Variants in CPAMD8 observed in about 807,000 individuals in gnomAD.
The protein encoded by CPAMD8 is C3 and PZP like alpha-2-macroglobulin domain containing 8, also known as C3 and PZP-like alpha-2-macroglobulin domain-containing protein 8.
A neutral mutation model predicts 224.7 loss-of-function variants in CPAMD8; 146 were observed. The ratio of observed to expected loss-of-function variants is 0.65; its 90% CI spans 0.57 to 0.75. CPAMD8 has a LOEUF of 0.75. Ranked by LOEUF, CPAMD8 falls within the 30% of genes least tolerant of loss-of-function variation. The pLI, the probability that CPAMD8 is intolerant of heterozygous loss-of-function variation, is 0.00. For synonymous variants in CPAMD8, 966 were observed against 1,044.6 expected, an observed-to-expected ratio of 0.92 and a Z score of 1.45; for missense variants, 2,301 against 2,537.5, an observed-to-expected ratio of 0.91 and a Z score of 2.00.
chr19:16,980,878 C>G (rs2055489364), intron 13 of CPAMD8, among the ~76,000 whole-genome samples, 192 bp from the exon 14 acceptor site: 1 of 152,056 alleles, frequency 6.6e-6, no homozygotes, highest in African/African-American at 2.4e-5. Flanking sequence ...TCTTGTCACC[C>G]AGGCTGGCAT....
intron 30 of CPAMD8, 150 bp downstream of exon 30, chr19:16,906,802 C>T (rs570646832): frequency 9.1e-6 from 7 of 771,734 alleles, no homozygotes; most frequent in East Asian, 2.8e-5. Context: ...CTCCGCCTCC[C>T]GGGTTCAAGC....
At chr19:17,015,767 G>A (rs2056794725) in intron 3 of CPAMD8, among the ~76,000 whole-genome samples, 1 of 152,180 alleles carries the variant, frequency 6.6e-6, no homozygotes, top group Admixed American at 6.5e-5. Flanking sequence ...AGGATGGGCA[G>A]GAGGGAGATA....
At chr19:17,014,521 A>C (rs2056759750) in intron 3 of CPAMD8, among the ~76,000 whole-genome samples, 1 of 152,180 alleles carries the variant, frequency 6.6e-6, no homozygotes, top group Non-Finnish European at 1.5e-5. Flanking sequence ...GTAATTTATA[A>C]AGAAAAAGAG....
chr19:17,006,693 C>A (rs2056501735), intron 7 of CPAMD8, among the ~76,000 whole-genome samples: 1 of 152,110 alleles, frequency 6.6e-6, no homozygotes, highest in Non-Finnish European at 1.5e-5. Context: ...TGACTCCCTG[C>A]CTGGGAGATG....
intron 18 of CPAMD8, 35 bp downstream of exon 18, chr19:16,970,841 TGTTAATAGGACCAGG>T: frequency 1.3e-6 from 2 of 1,572,648 alleles, no homozygotes; most frequent in Non-Finnish European, 1.7e-6. Context: ...AAGCCCCAGA[TGTTAATAGGACCAGG>T]GTTAGAAAAC....
chr19:16,967,507 A>G (rs886136633), intron 18 of CPAMD8, among the ~76,000 whole-genome samples: 2 of 152,120 alleles, frequency 1.3e-5, no homozygotes, highest in African/African-American at 4.8e-5. Flanking sequence ...GAAAATACAT[A>G]TATAATTAAA....
intron 22 of CPAMD8, among the ~76,000 whole-genome samples, chr19:16,939,669 GCA>G (rs2053820361): frequency 6.6e-6 from 1 of 152,126 alleles, no homozygotes; most frequent in Admixed American, 6.5e-5. Flanking sequence ...ATGTGAGTGG[GCA>G]CCATCCAAGC....
intron 20 of CPAMD8, among the ~76,000 whole-genome samples, 167 bp downstream of exon 20, chr19:16,951,802 C>T (rs1483529781): frequency 6.6e-6 from 1 of 152,070 alleles, no homozygotes; most frequent in African/African-American, 2.4e-5. Flanking sequence ...TCCCCAAAGC[C>T]CCCCAGGCTG....
At chr19:16,901,163 A>G in intron 36 of CPAMD8, 47 bp downstream of exon 36, 1 of 1,391,026 alleles carries the variant, frequency 7.2e-7, no homozygotes. Flanking sequence ...AGCCCTACCT[A>G]TTGTTCAGAG....
At chr19:16,925,464 G>A (rs1321512587) in intron 25 of CPAMD8, 92 bp from the exon 26 acceptor site, 4 of 1,023,024 alleles carry the variant, frequency 3.9e-6, no homozygotes, top group Admixed American at 2.0e-5. Flanking sequence ...GACAGTGAGT[G>A]TCATGCAGTC....
intron 22 of CPAMD8, among the ~76,000 whole-genome samples, chr19:16,943,313 G>C (rs2053966954): frequency 6.6e-6 from 1 of 152,174 alleles, no homozygotes; most frequent in African/African-American, 2.4e-5. Context: ...ACCGTGCCCG[G>C]CCTGTGTCTG....
At chr19:17,013,911 A>C (rs2056735039) in intron 3 of CPAMD8, among the ~76,000 whole-genome samples, 1 of 148,404 alleles carries the variant, frequency 6.7e-6, no homozygotes, top group African/African-American at 2.5e-5. Context: ...TTCCTTCACT[A>C]CACATTCCCT....
chr19:17,002,469 C>G, intron 8 of CPAMD8, 119 bp from the exon 9 acceptor site: 1 of 664,898 alleles, frequency 1.5e-6, no homozygotes, highest in South Asian at 1.8e-5. Flanking sequence ...GAGGTTGACA[C>G]TGTACCCATC....
At position 16,897,557 on chromosome 19, in the gene CPAMD8, TATGC is replaced by T. The variant is rs1027598527; in HGVS notation, c.5065+130_5065+133del. 21 of 589,732 alleles carry T rather than the reference TATGC, an allele frequency of 3.6e-5. No individual in the cohort carries two copies. In the African/African-American group the frequency reaches 3.6e-4, roughly 10 times the overall value. 36.5% of individuals were successfully genotyped at this position (589,732 alleles called of 1,614,324 possible). On this transcript the variant is annotated intron_variant, in intron 39 of 41. Coordinates refer to ENST00000443236, the MANE Select transcript of CPAMD8 (RefSeq NM_015692.5). ...TACAGGCAGAGCGCCCGCCCACCTC[TATGC>T]TGCGTTCTCCTGACTTTACGTTGGC...
intron 32 of CPAMD8, 50 bp downstream of exon 32, chr19:16,904,176 A>ACGCCCCCCCCCCCCCCCCCCCCCCCCC: frequency 1.1e-6 from 1 of 937,340 alleles, no homozygotes; most frequent in East Asian, 2.6e-5. Flanking sequence ...GACTGCAGGG[A>ACGCCCCCCCCCCCCCCCCCCCCCCCCC]CCCCACCCAC....
intron 26 of CPAMD8, 47 bp from the exon 27 acceptor site, chr19:16,922,033 C>G: frequency 1.5e-6 from 2 of 1,368,724 alleles, no homozygotes; most frequent in Non-Finnish European, 2.0e-6. Flanking sequence ...TGGCCTGGCC[C>G]AGGCCCGCCC....
intron 5 of CPAMD8, among the ~76,000 whole-genome samples, chr19:17,009,773 CAAA>C (rs561836442): frequency 2.4e-5 from 3 of 126,626 alleles, no homozygotes; most frequent in African/African-American, 2.9e-5. Context: ...GACTCCGTCT[CAAA>C]AAAAAAAAAA....
At chr19:17,001,184 TG>T (rs1022446945) in intron 9 of CPAMD8, among the ~76,000 whole-genome samples, 14 of 151,618 alleles carry the variant, frequency 9.2e-5, no homozygotes, top group African/African-American at 3.4e-4. Context: ...TAGTTGGGTG[TG>T]GTGGCACATG....
chr19:17,009,917 A>C (rs1269746808), intron 5 of CPAMD8, among the ~76,000 whole-genome samples: 2 of 152,170 alleles, frequency 1.3e-5, no homozygotes, highest in Admixed American at 6.5e-5. Flanking sequence ...GCTTCTGTGG[A>C]TCCTGCCCGA....
Sources: allele counts gnomAD v4.1 joint callset (sites outside exome capture counted in the v4.1 genomes callset), GRCh38; gene constraint gnomAD v4.1.1; transcripts MANE v1.5; gene names NCBI Gene and HGNC (gene_info 2026-07-23, HGNC 2026-07-21).